GRM5: variants seen among roughly 807,000 people sequenced by gnomAD.
GRM5 encodes metabotropic glutamate receptor 5.
In GRM5, 19 loss-of-function variants were observed where a neutral mutation model predicts 83.1. That is an observed-to-expected ratio of 0.23 (90% CI 0.16 to 0.34). The LOEUF (loss-of-function observed/expected upper bound fraction) is 0.34. GRM5 is among the 10% of genes least tolerant of loss of function. The probability of loss-of-function intolerance (pLI) is 1.00; values close to 1 mark genes in which losing one functional copy is unlikely to be tolerated. For synonymous variants in GRM5, 675 were observed against 633.6 expected, an observed-to-expected ratio of 1.07 and a Z score of -0.98; for missense variants, 1,160 against 1,588.3, an observed-to-expected ratio of 0.73 and a Z score of 4.58.
chr11:89,036,775 A>T (rs1941397745), intron 2 of GRM5, among the ~76,000 whole-genome samples: 1 of 151,788 alleles, frequency 6.6e-6, no homozygotes, highest in Non-Finnish European at 1.5e-5. Flanking sequence ...CAAAGCGTCA[A>T]AAAACAGATT....
Position 88,844,315 on chromosome 11 carries a change from G to A in GRM5, c.911+5591C>T, listed in dbSNP as rs1428095673. On this transcript the variant is annotated intron_variant, in intron 3 of 9. Transcript: ENST00000305447. ...CTGGGTGACAACACATCTCTTTAAAGCATGGTTTACTGAATATTTTAAGTC... is the reference window on the plus strand; with the variant it reads ...CTGGGTGACAACACATCTCTTTAAAACATGGTTTACTGAATATTTTAAGTC... 2.0e-5 allele frequency among the ~76,000 whole-genome samples: 3 copies of A among 151,378 alleles called. No homozygotes were observed. The East Asian group carries it at 5.8e-4, about 29-fold the overall frequency.
intron 2 of GRM5, among the ~76,000 whole-genome samples, chr11:88,979,238 G>C (rs1040432910): frequency 6.6e-6 from 1 of 152,154 alleles, no homozygotes; most frequent in Non-Finnish European, 1.5e-5. Flanking sequence ...TAAAACAACA[G>C]TAGCCTCTCA....
intron 7 of GRM5, among the ~76,000 whole-genome samples, chr11:88,579,575 G>A (rs1431509020): frequency 2.6e-5 from 4 of 152,158 alleles, no homozygotes; most frequent in Non-Finnish European, 4.4e-5. Context: ...GTGGTTATCT[G>A]CAGTAAAGCC....
intron 2 of GRM5, among the ~76,000 whole-genome samples, chr11:88,986,925 T>G (rs561053349): frequency 6.6e-6 from 1 of 152,152 alleles, no homozygotes; most frequent in South Asian, 2.1e-4. Flanking sequence ...TGGTGGCTCA[T>G]GCCTGTAATC....
At chr11:88,907,707 C>A (rs1019988375) in intron 2 of GRM5, among the ~76,000 whole-genome samples, 3 of 152,062 alleles carry the variant, frequency 2.0e-5, no homozygotes, top group African/African-American at 7.2e-5. Flanking sequence ...GATTAGATCC[C>A]AGGTTTGTTG....
intron 2 of GRM5, among the ~76,000 whole-genome samples, chr11:88,927,089 T>G (rs752255208): frequency 1.3e-5 from 2 of 152,168 alleles, no homozygotes; most frequent in Non-Finnish European, 2.9e-5. Flanking sequence ...GTCAGCCTCA[T>G]GACATCTTAA....
At chr11:88,959,149 G>C (rs1429091710) in intron 2 of GRM5, among the ~76,000 whole-genome samples, 8 of 152,054 alleles carry the variant, frequency 5.3e-5, no homozygotes, top group Non-Finnish European at 1.2e-4. Flanking sequence ...GAATCTCCAG[G>C]TGTCTTTGGA....
At chr11:88,836,672 G>A (rs940753519) in intron 3 of GRM5, among the ~76,000 whole-genome samples, 1 of 152,122 alleles carries the variant, frequency 6.6e-6, no homozygotes, top group Non-Finnish European at 1.5e-5. Flanking sequence ...GTGCATGTCT[G>A]TAATCACAGC....
chr11:88,967,020 A>G (rs549973424), intron 2 of GRM5, among the ~76,000 whole-genome samples: 2 of 152,158 alleles, frequency 1.3e-5, no homozygotes, highest in South Asian at 2.1e-4. Context: ...GTGGAATTCA[A>G]TGTCATACAC....
intron 2 of GRM5, among the ~76,000 whole-genome samples, chr11:88,889,816 G>A (rs1945111111): frequency 6.6e-6 from 1 of 152,126 alleles, no homozygotes; most frequent in Non-Finnish European, 1.5e-5. Context: ...GAAAAACAGA[G>A]GAGGTGCCAC....
rs578202018 is a variant in GRM5, at chr11:88,623,578, A to G, written c.1148-18614T>C. 3.9e-5 allele frequency among the ~76,000 whole-genome samples: 6 copies of G among 152,354 alleles called. No homozygotes were observed. In the East Asian group the frequency reaches 1.2e-3, roughly 29 times the overall value. On this transcript the variant is annotated intron_variant, in intron 4 of 9. Transcript: ENST00000305447. The stretch of plus-strand genomic sequence containing the variant: ...AAACTATTATTCTTTCATTTGGGAA[A>G]TTGAAGTAGCTTTTATTCTCCTGTA...
chr11:88,674,892 G>A (rs1388922156), intron 3 of GRM5, among the ~76,000 whole-genome samples: 1 of 151,808 alleles, frequency 6.6e-6, no homozygotes, highest in Non-Finnish European at 1.5e-5. Context: ...TTTAAATAAA[G>A]TCCAAACTCC....
chr11:88,860,264 A>G (rs1415580344), intron 2 of GRM5, among the ~76,000 whole-genome samples: 1 of 152,136 alleles, frequency 6.6e-6, no homozygotes, highest in Non-Finnish European at 1.5e-5. Flanking sequence ...TTGAGACAGA[A>G]GCTATGACCC....
At chr11:88,839,937 T>C (rs1342973128) in intron 3 of GRM5, among the ~76,000 whole-genome samples, 1 of 152,100 alleles carries the variant, frequency 6.6e-6, no homozygotes, top group African/African-American at 2.4e-5. Context: ...GAAAAATATA[T>C]ATTTACTATT....
intron 3 of GRM5, among the ~76,000 whole-genome samples, chr11:88,743,519 A>C (rs1942070762): frequency 6.6e-6 from 1 of 152,142 alleles, no homozygotes; most frequent in Non-Finnish European, 1.5e-5. Context: ...TGACAGAGCC[A>C]GGCCTTTCTC....
intron 3 of GRM5, among the ~76,000 whole-genome samples, chr11:88,724,213 T>C (rs530053029): frequency 6.6e-6 from 1 of 152,326 alleles, no homozygotes; most frequent in African/African-American, 2.4e-5. Context: ...AATCTGCCAC[T>C]GAGCCTAAGC....
intron 3 of GRM5, among the ~76,000 whole-genome samples, chr11:88,807,553 C>G (rs900334220): frequency 1.3e-4 from 19 of 151,874 alleles, no homozygotes; most frequent in African/African-American, 4.6e-4. Context: ...AGAAAAGGAC[C>G]CACTTGGTAA....
chr11:88,987,168 G>C (rs753084630), intron 2 of GRM5, among the ~76,000 whole-genome samples: 4 of 152,134 alleles, frequency 2.6e-5, no homozygotes, highest in African/African-American at 9.7e-5. Context: ...TGCACAAGCC[G>C]AAGCAGGGTG....
intron 2 of GRM5, among the ~76,000 whole-genome samples, chr11:88,921,053 A>G (rs943362230): frequency 1.4e-5 from 2 of 145,046 alleles, no homozygotes; most frequent in African/African-American, 5.1e-5. Flanking sequence ...ATATCTTAAT[A>G]TTCCACACTT....
Sources: allele counts gnomAD v4.1 joint callset (sites outside exome capture counted in the v4.1 genomes callset), GRCh38; gene constraint gnomAD v4.1.1; transcripts MANE v1.5; gene names NCBI Gene and HGNC (gene_info 2026-07-23, HGNC 2026-07-21).